Variants in COL4A4 observed in about 807,000 individuals in gnomAD.
COL4A4 encodes collagen type IV alpha 4 chain.
In COL4A4, 105 loss-of-function variants were observed where a neutral mutation model predicts 192.9. The ratio of observed to expected loss-of-function variants is 0.54; its 90% CI spans 0.46 to 0.64. The LOEUF is 0.64. COL4A4 is among the 30% of genes least tolerant of loss of function. COL4A4 has a pLI of 0.00. For synonymous variants in COL4A4, 762 were observed against 769.9 expected (o/e 0.99, Z 0.17); for missense variants, 1,967 against 2,169.3 (o/e 0.91, Z 1.85).
At chr2:227,061,905 G>C (rs3820926) in intron 26 of COL4A4, among the ~76,000 whole-genome samples, 1 of 151,948 alleles carries the variant, frequency 6.6e-6, no homozygotes, top group African/African-American at 2.4e-5. Context: ...AAGTGATCAT[G>C]ATTCACTCTT....
chr2:226,986,034 A>T, the COL4A4 span, among the ~76,000 whole-genome samples: 1 of 152,262 alleles, frequency 6.6e-6, no homozygotes, highest in Admixed American at 6.5e-5. Context: ...CAGCACGTTG[A>T]TATGTGATGA....
chr2:227,145,890 A>G (rs894078616), intron 2 of COL4A4, among the ~76,000 whole-genome samples: 1 of 152,244 alleles, frequency 6.6e-6, no homozygotes, highest in African/African-American at 2.4e-5. Context: ...TTTTCATTGT[A>G]GTAACCAAAT....
chr2:227,158,342 A>G (rs2064520998), intron 1 of COL4A4, among the ~76,000 whole-genome samples: 1 of 152,160 alleles, frequency 6.6e-6, no homozygotes, highest in African/African-American at 2.4e-5. Flanking sequence ...AATTAACTTA[A>G]AAGAGATCAT....
At chr2:227,112,219 G>A (rs2061251068) in intron 8 of COL4A4, among the ~76,000 whole-genome samples, 1 of 151,862 alleles carries the variant, frequency 6.6e-6, no homozygotes, top group Admixed American at 6.6e-5. Flanking sequence ...CTTGAATGAA[G>A]CCTCTTTTTT....
Position 227,078,854 on chromosome 2 carries a change from G to T in COL4A4, c.1804-777C>A, listed in dbSNP as rs545231039. Among the ~76,000 whole-genome samples the T allele has an allele frequency of 2.1e-4, 32 of 152,288 alleles. No individual in the cohort carries two copies. In the South Asian group the frequency reaches 6.4e-3, roughly 31 times the overall value. On this transcript the variant is annotated intron_variant, in intron 24 of 47. Coordinates refer to ENST00000396625, the MANE Select transcript of COL4A4 (RefSeq NM_000092.5). ...CAATTTGACTTTTGGTTAACTGTCT[G>T]GTTCTGTTCCTCTGATAAAAATTAG... is the stretch of plus-strand genomic sequence containing the variant.
chr2:226,983,773 C>T, the COL4A4 span, among the ~76,000 whole-genome samples: 1 of 152,132 alleles, frequency 6.6e-6, no homozygotes, highest in African/African-American at 2.4e-5. Context: ...TCAATGAAAA[C>T]ATTCCCTTGA....
intron 26 of COL4A4, among the ~76,000 whole-genome samples, chr2:227,062,283 G>A (rs1465579663): frequency 2.0e-5 from 3 of 151,688 alleles, no homozygotes; most frequent in Non-Finnish European, 2.9e-5. Flanking sequence ...TAACTGATAT[G>A]TGAGCAAATC....
At chr2:226,997,225 A>G in the COL4A4 span, 2 of 152,228 alleles carry the variant, frequency 1.3e-5, no homozygotes, top group Non-Finnish European at 2.9e-5. Flanking sequence ...TATAAATTGT[A>G]CCTGTGAGTC....
Position 227,007,261 on chromosome 2 carries a change from G to A in COL4A4, c.*64C>T, listed in dbSNP as rs1403040674. 81 of 1,600,634 alleles carry A rather than the reference G, an allele frequency of 5.1e-5. No homozygotes were observed. Among genetic ancestry groups the A allele is most frequent in the Non-Finnish European group, 6.8e-5 (80 of 1,168,298 alleles). On this transcript the variant is annotated 3_prime_UTR_variant, in exon 48 of 48. Transcript: ENST00000396625. ...GAGCACCATGACATCTCTTAGCACA[G>A]TCTAGGAAGTCTTAGCCCCCTAGGA... is the stretch of plus-strand genomic sequence containing the variant.
chr2:227,081,653 C>G (rs2059332210), intron 23 of COL4A4, among the ~76,000 whole-genome samples: 1 of 152,176 alleles, frequency 6.6e-6, no homozygotes, highest in African/African-American at 2.4e-5. Context: ...TTTTCATATA[C>G]ACATATATCC....
intron 37 of COL4A4, among the ~76,000 whole-genome samples, chr2:227,037,794 A>T (rs1362966417): frequency 6.6e-6 from 1 of 152,042 alleles, no homozygotes; most frequent in African/African-American, 2.4e-5. Context: ...TGGCAATGAG[A>T]TGGTATCTCA....
At chr2:227,042,348 G>T in intron 36 of COL4A4, 93 bp from the exon 37 acceptor site, 1 of 739,884 alleles carries the variant, frequency 1.4e-6, no homozygotes, top group South Asian at 1.5e-5. Context: ...TATGGGTAAC[G>T]GAGAACACTG....
At chr2:227,160,104 G>A (rs1443001707) in intron 1 of COL4A4, among the ~76,000 whole-genome samples, 1 of 152,174 alleles carries the variant, frequency 6.6e-6, no homozygotes, top group Non-Finnish European at 1.5e-5. Context: ...TGTGAGGTGA[G>A]GAAGTCTGTA....
rs551440082 is a variant in COL4A4 at position 227,091,056 on chromosome 2, T to C, written c.1370-1099A>G. Among the ~76,000 whole-genome samples, 40 of 151,756 alleles carry C rather than the reference T, an allele frequency of 2.6e-4. 1 individual carries two copies. The highest frequency in any genetic ancestry group is 7.2e-4 in the African/African-American group (30 of 41,450). On this transcript the variant is annotated intron_variant, in intron 20 of 47. Coordinates refer to ENST00000396625, the MANE Select transcript of COL4A4 (RefSeq NM_000092.5). ...AGACCAAAAGATCCCCTTCCTGAAA[T>C]TGGCAGCAGGGAAAGAAAATAGACC...
chr2:227,033,574 G>GCCC, intron 37 of COL4A4, 93 bp from the exon 38 acceptor site: 2 of 1,088,102 alleles, frequency 1.8e-6, no homozygotes, highest in Non-Finnish European at 2.8e-6. Context: ...CAGAGGGCGC[G>GCCC]TTGCTGGGGC....
the COL4A4 span, among the ~76,000 whole-genome samples, chr2:226,990,812 CTT>C: frequency 6.6e-6 from 1 of 152,146 alleles, no homozygotes. Flanking sequence ...ATGCTCACTG[CTT>C]CTTTGAGTAA....
Position 227,121,154 on chromosome 2 carries a change from A to C in COL4A4, c.193-6T>G, listed in dbSNP as rs975148812. 9.3e-6 allele frequency: 15 copies of C among 1,613,732 alleles called. No individual in the cohort carries two copies. The highest frequency in any genetic ancestry group is 2.7e-5 in the African/African-American group (2 of 74,892). On this transcript the variant is annotated splice_polypyrimidine_tract_variant and splice_region_variant and intron_variant, in intron 4 of 47. Coordinates refer to ENST00000396625, the MANE Select transcript of COL4A4 (RefSeq NM_000092.5). ...CCTGGTGGTCCTGGTGGACCCTGAG[A>C]AGGAAGATTAAAAAGAAATGGGGGT...
intron 25 of COL4A4, among the ~76,000 whole-genome samples, chr2:227,063,746 A>C (rs1977719575): frequency 6.6e-6 from 1 of 151,996 alleles, no homozygotes. Context: ...AGTTTAAATG[A>C]GATACTAGTT....
At chr2:227,000,753 C>A (rs1960727736), downstream of COL4A4, among the ~76,000 whole-genome samples, 1 of 151,678 alleles carries the variant, frequency 6.6e-6, no homozygotes, top group Non-Finnish European at 1.5e-5. Flanking sequence ...CAAATCTCAT[C>A]TTGAATTCCC....
Sources: gnomAD v4.1 joint callset for allele counts (sites outside exome capture counted in the v4.1 genomes callset) on GRCh38, gnomAD v4.1.1 for gene constraint, MANE v1.5 for transcripts, NCBI Gene and HGNC (gene_info 2026-07-23, HGNC 2026-07-21) for gene names.